Variants in HSPD1 observed in about 807,000 individuals in gnomAD.
The protein encoded by HSPD1 is heat shock protein family D (Hsp60) member 1, also known as 60 kDa heat shock protein, mitochondrial.
Under a neutral mutation model 53.0 loss-of-function variants are expected in HSPD1, and 3 were observed. The observed-to-expected ratio is 0.06, with a 90% CI of 0.03 to 0.15. HSPD1 has a LOEUF of 0.15. Ranked by LOEUF, HSPD1 falls within the 10% of genes least tolerant of loss-of-function variation. HSPD1 has a pLI of 1.00. For synonymous variants in HSPD1, 200 were observed against 228.0 expected (o/e 0.88, Z 1.10); for missense variants, 431 against 694.1 (o/e 0.62, Z 4.26).
At position 197,494,702 on chromosome 2, in the gene HSPD1, A is replaced by G. The variant is rs141357756; in HGVS notation, c.561T>C (p.Ser187=). 2.6e-3 allele frequency: 4,153 copies of G among 1,612,736 alleles called. 13 individuals carry two copies. Among genetic ancestry groups the G allele is most frequent in the Non-Finnish European group, 3.2e-3 (3,719 of 1,178,782 alleles). ...TTCTTCCAACTTTTTTCATTGCATC[A>G]GAGATGATATTGCCAATTTCTTTGT... ...NGDKEIGNII[S]DAMKKVGRKG... is the part of the protein sequence containing the mutation. Residue 187 remains serine (S), a synonymous_variant, in exon 5 of 12, where the codon TCT becomes TCC. Coordinates refer to ENST00000388968, the MANE Select transcript of HSPD1 (RefSeq NM_002156.5).
chr2:197,494,825 C>T (rs1559302750), intron 4 of HSPD1, 73 bp from the exon 5 acceptor site: 3 of 969,786 alleles, frequency 3.1e-6, no homozygotes, highest in Admixed American at 3.5e-5. Flanking sequence ...TTACCTTTTC[C>T]TAGTAACTTC....
intron 4 of HSPD1, 148 bp downstream of exon 4, chr2:197,495,146 T>C: frequency 1.5e-6 from 1 of 661,200 alleles, no homozygotes; most frequent in Non-Finnish European, 2.8e-6. Context: ...ATAATTCTTT[T>C]CAAAGGTTTT....
intron 7 of HSPD1, 195 bp from the exon 8 acceptor site, chr2:197,490,491 A>G (rs1037590333): frequency 3.4e-6 from 2 of 592,396 alleles, no homozygotes; most frequent in Non-Finnish European, 6.0e-6. Flanking sequence ...AGTTTAGGCT[A>G]TTTTCTATTA....
At chr2:197,498,880 ACTACCACCCGTGGTG>A in intron 1 of HSPD1, 30 bp from the exon 2 acceptor site, 1 of 1,605,186 alleles carries the variant, frequency 6.2e-7, no homozygotes. Context: ...GATCATCAGA[ACTACCACCCGTGGTG>A]CGCTGCAGAA....
intron 8 of HSPD1, 118 bp from the exon 9 acceptor site, chr2:197,489,365 AT>A (rs2086063580): frequency 9.3e-7 from 1 of 1,075,824 alleles, no homozygotes; most frequent in Non-Finnish European, 1.4e-6. Context: ...GAAATGAGAG[AT>A]TTTAAGATCA....
At chr2:197,491,420 A>C (rs1292905118) in intron 7 of HSPD1, among the ~76,000 whole-genome samples, 3 of 152,028 alleles carry the variant, frequency 2.0e-5, no homozygotes, top group East Asian at 3.9e-4. Flanking sequence ...TCGGCTTCCC[A>C]AACTGCTGGG....
chr2:197,493,919 T>C (rs532537268), intron 6 of HSPD1, among the ~76,000 whole-genome samples: 2 of 152,226 alleles, frequency 1.3e-5, no homozygotes, highest in Admixed American at 6.5e-5. Context: ...CTGGCCAACA[T>C]GGTGAAACCC....
At chr2:197,488,804 G>T (rs1574596731) in intron 9 of HSPD1, among the ~76,000 whole-genome samples, 198 bp downstream of exon 9, 1 of 152,198 alleles carries the variant, frequency 6.6e-6, no homozygotes, top group African/African-American at 2.4e-5. Context: ...AGAGGCGGAG[G>T]TTGCAGTGCG....
chr2:197,495,221 G>T, intron 4 of HSPD1, 73 bp downstream of exon 4: 1 of 812,472 alleles, frequency 1.2e-6, no homozygotes, highest in South Asian at 1.4e-5. Flanking sequence ...ACATTGGTGT[G>T]ATCAAGGGAA....
intron 1 of HSPD1, 164 bp from the exon 2 acceptor site, chr2:197,499,014 T>A (rs1289945763): frequency 1.4e-6 from 1 of 719,040 alleles, no homozygotes; most frequent in Non-Finnish European, 2.5e-6. Context: ...CTTCGGAACA[T>A]CAGCCACTAG....
In HSPD1 at chr2:197,497,412, C is replaced by T; in HGVS notation, c.175-20G>A. The stretch of plus-strand genomic sequence containing the variant: ...TCTTCCCTAGAAGAAAAAAATGTAA[C>T]AGGATCAGACATACCCTAAGGATGA... On this transcript the variant is annotated intron_variant, in intron 2 of 11. Coordinates refer to ENST00000388968, the MANE Select transcript of HSPD1 (RefSeq NM_002156.5). 1 of 1,611,452 alleles carries T rather than the reference C, an allele frequency of 6.2e-7. No individual in the cohort carries two copies. Among genetic ancestry groups the T allele is most frequent in the Non-Finnish European group, 8.5e-7 (1 of 1,177,688 alleles).
intron 4 of HSPD1, 122 bp from the exon 5 acceptor site, chr2:197,494,874 T>A: frequency 1.4e-6 from 1 of 728,760 alleles, no homozygotes; most frequent in East Asian, 2.6e-5. Context: ...AAGGGGAATT[T>A]ACGTTATGGT....
At position 197,486,958 on chromosome 2, in the gene HSPD1, A is replaced by G. The variant is rs939855653; in HGVS notation, c.*88T>C. On this transcript the variant is annotated 3_prime_UTR_variant, in exon 12 of 12. Transcript: ENST00000388968. ...CCAGCCTTTTTCTTCATTTTCTCCA[A>G]CTGACTTCTCTGAAGTTATTGGTGA... The G allele has an allele frequency of 3.5e-5, 38 of 1,094,570 alleles. No homozygotes were observed. Among genetic ancestry groups the G allele is most frequent in the Non-Finnish European group, 4.9e-5 (35 of 709,668 alleles). The allele number at this position is 1,094,570 out of a possible 1,614,324, so 67.8% of individuals were successfully genotyped here. A position where few individuals can be genotyped will look rare whatever the true frequency, so the allele number is the denominator to read the frequency against.
Position 197,488,505 on chromosome 2 carries a change from G to A in HSPD1, c.1216-14C>T. ...TGTCCCACCAACCTAAAGACGAAAA[G>A]AATTCCAGTTAGTATGGCCTCTTCA... On this transcript the variant is annotated splice_polypyrimidine_tract_variant and intron_variant, in intron 9 of 11. Transcript: ENST00000388968. 6.2e-7 allele frequency: 1 copy of A among 1,611,604 alleles called. No homozygotes were observed. Among genetic ancestry groups the A allele is most frequent in the East Asian group, 2.2e-5 (1 of 44,868 alleles).
intron 3 of HSPD1, chr2:197,496,849 T>C (rs974586426): frequency 2.8e-4 from 117 of 420,880 alleles, no homozygotes; most frequent in African/African-American, 1.9e-3. Context: ...GGCAGGAGGA[T>C]TGCTTGAGCC....
chr2:197,495,490 TTTTTTTTTTTTTTGAGACAGG>T lies in HSPD1; in HGVS notation c.428-135_428-115del, dbSNP rs2086146723. The T allele has an allele frequency of 1.4e-5, 4 of 280,576 alleles. No individual in the cohort carries two copies. The East Asian group carries it at 3.5e-4, about 24-fold the overall frequency. 17.4% of individuals were successfully genotyped at this position (280,576 alleles called of 1,614,324 possible). On this transcript the variant is annotated intron_variant, in intron 3 of 11. Coordinates refer to ENST00000388968, the MANE Select transcript of HSPD1 (RefSeq NM_002156.5). ...TAATGCCTTAACTTAAAAAAAAAAATTTTTTTTTTTTTTGAGACAGGGTCTTGTTCTGCTGCCCAGGCTAGA... is the reference window on the plus strand; with the variant it reads ...TAATGCCTTAACTTAAAAAAAAAAATGTCTTGTTCTGCTGCCCAGGCTAGA...
intron 1 of HSPD1, chr2:197,499,292 G>T: frequency 3.6e-6 from 1 of 278,450 alleles, no homozygotes; most frequent in South Asian, 3.4e-5. Context: ...GTGTCTCCAT[G>T]GATCCACCCA....
In HSPD1 at chr2:197,494,093, A is replaced by T. The variant is rs1481866467; in HGVS notation, c.700+64T>A. On this transcript the variant is annotated intron_variant, in intron 6 of 11. Coordinates refer to ENST00000388968, the MANE Select transcript of HSPD1 (RefSeq NM_002156.5). The stretch of plus-strand genomic sequence containing the variant: ...GCCACTGCACTCCAGCCGGGGCAAC[A>T]GAGAATGAGACTCTGTCTAAAATAA... 7.1e-6 allele frequency: 6 copies of T among 840,304 alleles called. No homozygotes were observed. The African/African-American group carries it at 8.6e-5, about 12-fold the overall frequency. 52.1% of individuals were successfully genotyped at this position (840,304 alleles called of 1,614,324 possible). A position where few individuals can be genotyped will look rare whatever the true frequency, so the allele number is the denominator to read the frequency against.
chr2:197,486,638 T>G lies in HSPD1; in HGVS notation c.*408A>C, dbSNP rs1303332890. On this transcript the variant is annotated 3_prime_UTR_variant, in exon 12 of 12. Coordinates refer to ENST00000388968, the MANE Select transcript of HSPD1 (RefSeq NM_002156.5). ...AGGTTGTCACATAATTGGATACTTC[T>G]CTACTTTGTACACAATTATTCTCAC... 2 of 241,394 alleles carry G rather than the reference T, an allele frequency of 8.3e-6. No individual in the cohort carries two copies. Among genetic ancestry groups the G allele is most frequent in the Admixed American group, 5.1e-5 (1 of 19,720 alleles). The allele number at this position is 241,394 out of a possible 1,614,324, so 15.0% of individuals were successfully genotyped here. A position where few individuals can be genotyped will look rare whatever the true frequency, so the allele number is the denominator to read the frequency against.
Sources: gnomAD v4.1 joint callset for allele counts (sites outside exome capture counted in the v4.1 genomes callset) on GRCh38, gnomAD v4.1.1 for gene constraint, MANE v1.5 for transcripts, NCBI Gene and HGNC (gene_info 2026-07-23, HGNC 2026-07-21) for gene names.